The following RRP7A variants were observed in gnomAD, a reference collection of about 807,000 sequenced individuals.
RRP7A encodes ribosomal RNA-processing protein 7 homolog A.
In RRP7A, 27 loss-of-function variants were observed where a neutral mutation model predicts 38.4. The ratio of observed to expected loss-of-function variants is 0.70; its 90% confidence interval spans 0.52 to 0.97. RRP7A has a LOEUF of 0.97. RRP7A is among the 50% of genes least tolerant of loss of function. RRP7A has a pLI of 0.00. For synonymous variants in RRP7A, 124 were observed against 150.3 expected, an observed-to-expected ratio of 0.83 and a Z score of 1.28; for missense variants, 327 against 375.4, an observed-to-expected ratio of 0.87 and a Z score of 1.07.
chr22:42,512,981 G>A lies in RRP7A; in HGVS notation c.772C>T (p.Arg258Cys), dbSNP rs761382571. 25 of 1,612,700 alleles carry A rather than the reference G, an allele frequency of 1.6e-5. No homozygotes were observed. In the East Asian group the frequency reaches 1.8e-4, roughly 11 times the overall value. ...ESKMEHLAQL[R>C]KKFEEDKQRI... ...TGCTTGTCCTCCTCGAACTTCTTGC[G>A]CAGCTGCGCTAGATCTGGGGGTGAG... The change falls in exon 7 of 7, where the codon CGC (arginine) becomes TGC (cysteine). Residue 258 changes from arginine to cysteine, a missense_variant. Physicochemically the swap from Arg to Cys is radical, Grantham distance 180. Coordinates refer to ENST00000323013, the MANE Select transcript of RRP7A (RefSeq NM_015703.5).
intron 1 of RRP7A, chr22:42,518,848 G>A: frequency 2.2e-6 from 1 of 451,228 alleles, no homozygotes. Flanking sequence ...GCGTAGAGCT[G>A]CGGTCCCTGA....
intron 2 of RRP7A, among the ~76,000 whole-genome samples, chr22:42,517,055 A>T (rs1280722037): frequency 6.6e-6 from 1 of 152,066 alleles, no homozygotes; most frequent in Non-Finnish European, 1.5e-5. Flanking sequence ...AAGGGGGCGG[A>T]TTACTTCAGG....
intron 1 of RRP7A, among the ~76,000 whole-genome samples, chr22:42,519,439 G>A (rs1477303616): frequency 6.6e-6 from 1 of 152,198 alleles, no homozygotes; most frequent in Non-Finnish European, 1.5e-5. Flanking sequence ...GACGGAAATG[G>A]GTTTGTCCTG....
chr22:42,514,076 G>T, intron 6 of RRP7A, 30 bp downstream of exon 6: 1 of 1,599,368 alleles, frequency 6.3e-7, no homozygotes, highest in East Asian at 2.2e-5. Context: ...CAAGGCCGAG[G>T]GGTCTGAGGA....
In RRP7A at chr22:42,515,994, C is replaced by A. The variant is rs201458358; in HGVS notation, c.342+17G>T. The A allele has an allele frequency of 5.4e-5, 86 of 1,578,318 alleles. No homozygotes were observed. In the East Asian group the frequency reaches 9.2e-4, roughly 17 times the overall value. ...CACCCCCCTCACTCTAGTGGAACCC[C>A]GGGCTTGGCGGCTCACCGGAACTGG... On this transcript the variant is annotated intron_variant, in intron 3 of 6. Transcript: ENST00000323013.
chr22:42,513,079 G>A (rs1301680910), intron 6 of RRP7A, 84 bp from the exon 7 acceptor site: 6 of 1,125,710 alleles, frequency 5.3e-6, no homozygotes. Context: ...CCTCCTCCCA[G>A]TTACTGTGGG....
rs749815316 is a variant in RRP7A, at chr22:42,516,088, C to CTGT, written c.264_265insACA (p.Val88_Glu89insThr). The CTGT allele has an allele frequency of 6.8e-6, 11 of 1,613,920 alleles. No homozygotes were observed. Among genetic ancestry groups the CTGT allele is most frequent in the Non-Finnish European group, 9.3e-6 (11 of 1,179,896 alleles). ...GCCAGGTCCGGCTTCTCCTGCAACT[C>CTGT]TACAGACTGGACGAGGCCACAGGTG... On this transcript the variant is annotated inframe_insertion, in exon 3 of 7. Coordinates refer to ENST00000323013, the MANE Select transcript of RRP7A (RefSeq NM_015703.5).
chr22:42,509,699 G>T lies in RRP7A; in HGVS notation c.*3211C>A, dbSNP rs763159601. On this transcript the variant is annotated 3_prime_UTR_variant, in exon 7 of 7. Coordinates refer to ENST00000323013, the MANE Select transcript of RRP7A (RefSeq NM_015703.5). ...ATGGGCTCCAGCATGGATGAGCCTT[G>T]AAAACATCGCACTAAGTGGATGAAG... Among the ~76,000 whole-genome samples, 14 of 151,942 alleles carry T rather than the reference G, an allele frequency of 9.2e-5. No individual in the cohort carries two copies. The highest frequency in any genetic ancestry group is 3.4e-4 in the African/African-American group (14 of 41,356).
chr22:42,513,977 C>G (rs538376046), intron 6 of RRP7A, 129 bp downstream of exon 6: 1 of 784,154 alleles, frequency 1.3e-6, no homozygotes, highest in Non-Finnish European at 2.1e-6. Flanking sequence ...GTGCGAGCCC[C>G]GTGCTTAGGG....
rs183373742 is a variant in RRP7A at position 42,519,699 on chromosome 22, C to T, written c.73+15G>A. On this transcript the variant is annotated intron_variant, in intron 1 of 6. Coordinates refer to ENST00000323013, the MANE Select transcript of RRP7A (RefSeq NM_015703.5). ...TGCCTGACCGCCCCCGGTCTCGCGT[C>T]CCGGAGCCCCTCACCTGCGTAGCCC... 1.3e-3 allele frequency: 1,848 copies of T among 1,445,362 alleles called. 14 individuals are homozygous for T. The African/African-American group carries it at 0.024, about 19-fold the overall frequency. The allele number at this position is 1,445,362 out of a possible 1,614,324, so 89.5% of individuals were successfully genotyped here.
At position 42,509,713 on chromosome 22, in the gene RRP7A, A is replaced by G. The variant is rs1200049872; in HGVS notation, c.*3197T>C. Among the ~76,000 whole-genome samples, 1 of 151,858 alleles carries G rather than the reference A, an allele frequency of 6.6e-6. No homozygotes were observed. Among genetic ancestry groups the G allele is most frequent in the African/African-American group, 2.4e-5 (1 of 41,346 alleles). On this transcript the variant is annotated 3_prime_UTR_variant, in exon 7 of 7. Coordinates refer to ENST00000323013, the MANE Select transcript of RRP7A (RefSeq NM_015703.5). The stretch of plus-strand genomic sequence containing the variant: ...GGATGAGCCTTGAAAACATCGCACT[A>G]AGTGGATGAAGTCAGACACAACCGT...
In RRP7A at chr22:42,513,089, G is replaced by T. The variant is rs551525450; in HGVS notation, c.758-94C>A. 9.5e-6 allele frequency: 10 copies of T among 1,048,684 alleles called. No individual in the cohort carries two copies. The African/African-American group carries it at 1.1e-4, about 11-fold the overall frequency. The allele number at this position is 1,048,684 out of a possible 1,614,324, so 65.0% of individuals were successfully genotyped here. On this transcript the variant is annotated intron_variant, in intron 6 of 6. Transcript: ENST00000323013. ...CCACCCCTCCTCCCAGTTACTGTGG[G>T]GGTGGGGCTATGTCTCCCCCACCAG...
Position 42,511,901 on chromosome 22 carries a change from C to T in RRP7A, c.*1009G>A, listed in dbSNP as rs1932475931. ...AACTTCACAACTCAGCTGGCCTAGA[C>T]CCCTGGGAGGCCTCCAAGTCCCTAA... On this transcript the variant is annotated 3_prime_UTR_variant, in exon 7 of 7. Transcript: ENST00000323013. The T allele has an allele frequency of 6.5e-6, 4 of 617,590 alleles. No individual in the cohort carries two copies. The Admixed American group carries it at 1.1e-4, about 18-fold the overall frequency. The allele number at this position is 617,590 out of a possible 1,614,324, so 38.3% of individuals were successfully genotyped here. A position where few individuals can be genotyped will look rare whatever the true frequency, so the allele number is the denominator to read the frequency against.
rs536237578 is a variant in RRP7A at position 42,519,465 on chromosome 22, A to C, written c.73+249T>G. 2.6e-5 allele frequency among the ~76,000 whole-genome samples: 4 copies of C among 152,286 alleles called. No individual in the cohort carries two copies. The South Asian group carries it at 8.3e-4, about 32-fold the overall frequency. ...GTTTGTCCTGGGTGAGAGTGTGGAC[A>C]GAGGCGGGCTCACCCAAGGGAAGCG... On this transcript the variant is annotated intron_variant, in intron 1 of 6. Coordinates refer to ENST00000323013, the MANE Select transcript of RRP7A (RefSeq NM_015703.5).
At chr22:42,519,008 C>T (rs1192361575) in intron 1 of RRP7A, among the ~76,000 whole-genome samples, 1 of 147,038 alleles carries the variant, frequency 6.8e-6, no homozygotes, top group Non-Finnish European at 1.5e-5. Flanking sequence ...GAGGAAGCAA[C>T]ATTAAAGCTC....
At chr22:42,517,529 CT>C (rs1211169362) in intron 2 of RRP7A, among the ~76,000 whole-genome samples, 1 of 151,454 alleles carries the variant, frequency 6.6e-6, no homozygotes, top group Non-Finnish European at 1.5e-5. Context: ...ACTTTTTTCT[CT>C]TTTTTTTGAG....
At position 42,510,947 on chromosome 22, in the gene RRP7A, C is replaced by T. The variant is rs2003673; in HGVS notation, c.*1963G>A. On this transcript the variant is annotated 3_prime_UTR_variant, in exon 7 of 7. Coordinates refer to ENST00000323013, the MANE Select transcript of RRP7A (RefSeq NM_015703.5). ...AACAGAGACCTTTGGTGGGGAGGTT[C>T]TTTACCATCCTCAAGTACCCACCCC... 10,390 of 329,440 alleles carry T rather than the reference C, an allele frequency of 0.032. 230 individuals are homozygous for T. The highest frequency in any genetic ancestry group is 0.048 in the Admixed American group (797 of 16,582). The allele number at this position is 329,440 out of a possible 1,614,324, so 20.4% of individuals were successfully genotyped here.
At chr22:42,517,414 T>C (rs932345426) in intron 2 of RRP7A, among the ~76,000 whole-genome samples, 5 of 151,460 alleles carry the variant, frequency 3.3e-5, no homozygotes, top group Non-Finnish European at 5.9e-5. Context: ...TATTTTCTTA[T>C]ACTTTCCTAC....
intron 1 of RRP7A, chr22:42,518,620 T>G (rs1201916676): frequency 2.1e-6 from 1 of 470,116 alleles, no homozygotes; most frequent in African/African-American, 2.0e-5. Context: ...CACCTCAGGT[T>G]TAGCTCAAAC....
Sources: allele counts gnomAD v4.1 joint callset (sites outside exome capture counted in the v4.1 genomes callset), GRCh38; gene constraint gnomAD v4.1.1; transcripts MANE v1.5; gene names NCBI Gene and HGNC (gene_info 2026-07-23, HGNC 2026-07-21).